KCNIP4: variants seen among roughly 807,000 people sequenced by gnomAD.
The protein encoded by KCNIP4 is Kv channel-interacting protein 4.
Under a neutral mutation model 34.0 loss-of-function variants are expected in KCNIP4, and 12 were observed. That is an observed-to-expected ratio of 0.35 (90% CI 0.23 to 0.57). The LOEUF (loss-of-function observed/expected upper bound fraction) is 0.57, where lower values mean the gene tolerates loss of function less well. KCNIP4 is among the 20% of genes least tolerant of loss of function. The probability of loss-of-function intolerance (pLI) is 0.83; values close to 1 mark genes in which losing one functional copy is unlikely to be tolerated. For missense variants in KCNIP4, 238 were observed against 311.7 expected (o/e 0.76, Z 1.78); for synonymous variants, 124 against 102.2 (o/e 1.21, Z -1.29).
chr4:21,645,618 T>A (rs1746954895), intron 1 of KCNIP4, among the ~76,000 whole-genome samples: 1 of 152,180 alleles, frequency 6.6e-6, no homozygotes, highest in Non-Finnish European at 1.5e-5. Flanking sequence ...GTCTAGGCTC[T>A]TGTGTGGGAC....
At chr4:21,565,781 T>C (rs1404331446) in intron 1 of KCNIP4, among the ~76,000 whole-genome samples, 2 of 152,058 alleles carry the variant, frequency 1.3e-5, no homozygotes, top group African/African-American at 4.8e-5. Context: ...GAAAAACTCA[T>C]AGAAAAATGA....
At chr4:21,375,766 C>T (rs961653874) in intron 1 of KCNIP4, among the ~76,000 whole-genome samples, 2 of 151,858 alleles carry the variant, frequency 1.3e-5, no homozygotes, top group African/African-American at 4.8e-5. Flanking sequence ...GGCGGGGTTT[C>T]ACCGTGTTAC....
At chr4:21,788,856 C>T (rs984491573) in intron 1 of KCNIP4, among the ~76,000 whole-genome samples, 3 of 151,884 alleles carry the variant, frequency 2.0e-5, no homozygotes, top group African/African-American at 7.3e-5. Flanking sequence ...GGGCGGATCA[C>T]GAGGTCAGGA....
rs186618309 is a variant in KCNIP4 at position 20,853,023 on chromosome 4, G to A, written c.164-2356C>T. 1.7e-3 allele frequency among the ~76,000 whole-genome samples: 253 copies of A among 152,216 alleles called. 2 individuals carry two copies. The highest frequency in any genetic ancestry group is 5.8e-3 in the African/African-American group (241 of 41,560). On this transcript the variant is annotated intron_variant, in intron 2 of 8. Transcript: ENST00000382152. ...TCCCATGCTGGGTAGAATCATGGAT[G>A]GGTAGAATCAATATTGTGAAAATGA...
chr4:21,067,450 C>T (rs1047974878), intron 1 of KCNIP4, among the ~76,000 whole-genome samples: 3 of 152,080 alleles, frequency 2.0e-5, no homozygotes, highest in African/African-American at 7.2e-5. Context: ...GCCAGGCAGG[C>T]CCTAGGGTTC....
At chr4:21,895,034 G>A (rs1053586277) in intron 1 of KCNIP4, among the ~76,000 whole-genome samples, 1 of 152,098 alleles carries the variant, frequency 6.6e-6, no homozygotes, top group East Asian at 1.9e-4. Context: ...TTTTCCAGGT[G>A]AGTTGGGGGG....
chr4:21,185,510 C>G (rs376351008), intron 1 of KCNIP4, among the ~76,000 whole-genome samples: 2 of 151,204 alleles, frequency 1.3e-5, no homozygotes, highest in Non-Finnish European at 2.9e-5. Context: ...TTCTCTTTTT[C>G]CTTCTCCTTC....
intron 1 of KCNIP4, among the ~76,000 whole-genome samples, chr4:20,936,128 T>A (rs932569880): frequency 1.3e-5 from 2 of 152,184 alleles, no homozygotes; most frequent in Non-Finnish European, 2.9e-5. Context: ...ATCTACTCTA[T>A]TGAACTGTTA....
intron 1 of KCNIP4, among the ~76,000 whole-genome samples, chr4:21,528,029 C>T (rs1196608029): frequency 6.6e-6 from 1 of 152,094 alleles, no homozygotes; most frequent in Non-Finnish European, 1.5e-5. Flanking sequence ...GGGGTCGGTC[C>T]TAATCAGCAC....
At chr4:21,120,529 A>G (rs12643251) in intron 1 of KCNIP4, among the ~76,000 whole-genome samples, 30,854 of 152,070 alleles carry the variant, frequency 0.2, 3,640 homozygotes, top group African/African-American at 0.32. Flanking sequence ...GCTTCAGGCA[A>G]CTTATAATCA....
At chr4:21,438,039 T>C (rs1727110470) in intron 1 of KCNIP4, among the ~76,000 whole-genome samples, 1 of 152,142 alleles carries the variant, frequency 6.6e-6, no homozygotes, top group South Asian at 2.1e-4. Flanking sequence ...GTTATGATCA[T>C]AAAATATTTT....
chr4:21,385,724 C>T (rs570336214), intron 1 of KCNIP4, among the ~76,000 whole-genome samples: 3 of 152,134 alleles, frequency 2.0e-5, no homozygotes, highest in South Asian at 2.1e-4. Flanking sequence ...AGATTGTGGC[C>T]GTGAAGCTTA....
At chr4:21,599,938 T>C (rs1190339111) in intron 1 of KCNIP4, among the ~76,000 whole-genome samples, 1 of 152,114 alleles carries the variant, frequency 6.6e-6, no homozygotes, top group East Asian at 1.9e-4. Flanking sequence ...CTCAGGGATT[T>C]TGATTCACTA....
At chr4:21,018,758 T>C (rs1253048366) in intron 1 of KCNIP4, among the ~76,000 whole-genome samples, 1 of 152,176 alleles carries the variant, frequency 6.6e-6, no homozygotes, top group Non-Finnish European at 1.5e-5. Flanking sequence ...AAAGTCCCTG[T>C]ATATATAGCG....
At chr4:21,125,023 T>G (rs1311637583) in intron 1 of KCNIP4, among the ~76,000 whole-genome samples, 1 of 151,136 alleles carries the variant, frequency 6.6e-6, no homozygotes, top group Non-Finnish European at 1.5e-5. Context: ...AGTGGCTTCA[T>G]AAGTCCTGAA....
rs747961833 is a variant in KCNIP4 at position 21,323,144 on chromosome 4, G to GTATATATATATATATATA, written c.62-440453_62-440436dup. ...CTGAAAAATGGCATCTCTTTTGTAA[G>GTATATATATATATATATA]TATATATATATATATATATGTATAT... On this transcript the variant is annotated intron_variant, in intron 1 of 8. Transcript: ENST00000382152. Among the ~76,000 whole-genome samples, 58 of 77,890 alleles carry GTATATATATATATATATA rather than the reference G, an allele frequency of 7.4e-4. 1 individual carries two copies. Among genetic ancestry groups the GTATATATATATATATATA allele is most frequent in the African/African-American group, 3.1e-3 (56 of 18,056 alleles). The allele number at this position is 77,890 out of a possible 152,430, so 51.1% of individuals were successfully genotyped here.
intron 1 of KCNIP4, among the ~76,000 whole-genome samples, chr4:21,702,217 A>G (rs1345221099): frequency 6.6e-6 from 1 of 152,096 alleles, no homozygotes; most frequent in Non-Finnish European, 1.5e-5. Context: ...CCCTCTTTCT[A>G]CCTTGGAGAG....
At chr4:21,477,256 A>T (rs1274317593) in intron 1 of KCNIP4, among the ~76,000 whole-genome samples, 1 of 152,108 alleles carries the variant, frequency 6.6e-6, no homozygotes, top group Non-Finnish European at 1.5e-5. Flanking sequence ...GCAGCTCCCT[A>T]GGGCAACTTT....
intron 1 of KCNIP4, among the ~76,000 whole-genome samples, chr4:21,202,529 C>T (rs183191923): frequency 7.2e-5 from 11 of 152,256 alleles, no homozygotes; most frequent in African/African-American, 1.9e-4. Context: ...AACCTCATCA[C>T]CATGCAATAT....
Sources: gnomAD v4.1 joint callset for allele counts (sites outside exome capture counted in the v4.1 genomes callset) on GRCh38, gnomAD v4.1.1 for gene constraint, MANE v1.5 for transcripts, NCBI Gene and HGNC (gene_info 2026-07-23, HGNC 2026-07-21) for gene names.